Variants in FOXN3 observed in about 807,000 individuals in gnomAD.
The protein encoded by FOXN3 is forkhead box protein N3.
FOXN3 carries 7 observed loss-of-function variants against 38.4 expected under a neutral mutation model. The observed-to-expected ratio is 0.18, with a 90% confidence interval of 0.10 to 0.34. FOXN3 has a LOEUF of 0.34. Among genes scored for constraint, FOXN3 ranks in the 10% least tolerant of loss-of-function variants. The pLI, the probability that FOXN3 is intolerant of heterozygous loss-of-function variation, is 1.00. For missense variants in FOXN3, 456 were observed against 613.4 expected (o/e 0.74, Z 2.71); for synonymous variants, 230 against 242.2 (o/e 0.95, Z 0.47).
chr14:89,348,930 C>A (rs1443299354), intron 3 of FOXN3, among the ~76,000 whole-genome samples: 2 of 152,040 alleles, frequency 1.3e-5, no homozygotes, highest in East Asian at 1.9e-4. Flanking sequence ...CATTTGGCAA[C>A]AAAATACTGG....
At chr14:89,345,876 AC>A (rs1262137496) in intron 3 of FOXN3, among the ~76,000 whole-genome samples, 9 of 152,054 alleles carry the variant, frequency 5.9e-5, no homozygotes, top group African/African-American at 2.2e-4. Context: ...AGATGGTGAA[AC>A]CCCGTCTCTA....
intron 1 of FOXN3, among the ~76,000 whole-genome samples, chr14:89,447,459 A>T (rs1892527000): frequency 2.0e-5 from 3 of 152,156 alleles, no homozygotes; most frequent in Admixed American, 2.0e-4. Context: ...GGCTAGACTC[A>T]AAGTTCACTC....
chr14:89,286,626 C>CA (rs1173898116), intron 3 of FOXN3, among the ~76,000 whole-genome samples: 1 of 152,118 alleles, frequency 6.6e-6, no homozygotes, highest in Non-Finnish European at 1.5e-5. Context: ...TCACCCACCA[C>CA]AAAAAATCCT....
chr14:89,611,316 T>C (rs1596332674), intron 1 of FOXN3, among the ~76,000 whole-genome samples: 1 of 152,358 alleles, frequency 6.6e-6, no homozygotes. Flanking sequence ...CCTGAGTTTG[T>C]TGAGCCGTTC....
intron 1 of FOXN3, among the ~76,000 whole-genome samples, chr14:89,584,717 T>A (rs1408627912): frequency 6.6e-6 from 1 of 152,124 alleles, no homozygotes; most frequent in East Asian, 1.9e-4. Context: ...CTCTTTTCTT[T>A]TCTTTTTTCT....
intron 2 of FOXN3, among the ~76,000 whole-genome samples, chr14:89,374,196 C>T (rs971396456): frequency 8.0e-6 from 1 of 125,238 alleles, no homozygotes; most frequent in African/African-American, 3.0e-5. Flanking sequence ...CCCAGAATGT[C>T]GAGGCTGCAG....
chr14:89,379,596 T>C (rs1890581791), intron 2 of FOXN3, among the ~76,000 whole-genome samples: 1 of 152,180 alleles, frequency 6.6e-6, no homozygotes, highest in Admixed American at 6.5e-5. Context: ...AGAAAGGGAA[T>C]CCCAAAATAT....
At chr14:89,293,870 C>T (rs934816191) in intron 3 of FOXN3, among the ~76,000 whole-genome samples, 3 of 152,132 alleles carry the variant, frequency 2.0e-5, no homozygotes, top group African/African-American at 7.2e-5. Context: ...ATCCCTAATA[C>T]CTACTGCTGT....
intron 2 of FOXN3, chr14:89,401,600 T>A: frequency 2.2e-6 from 1 of 456,086 alleles, no homozygotes; most frequent in South Asian, 1.5e-5. Flanking sequence ...ACCTTGATTC[T>A]TGGAGATTCG....
At position 89,538,867 on chromosome 14, in the gene FOXN3, G is replaced by A. The variant is rs553287396; in HGVS notation, c.-15+80161C>T. Among the ~76,000 whole-genome samples, 5 of 151,374 alleles carry A rather than the reference G, an allele frequency of 3.3e-5. No homozygotes were observed. In the South Asian group the frequency reaches 6.3e-4, roughly 19 times the overall value. ...TTATCTATTTATTTATTTTTGAGAC[G>A]GAGTCTCACTCTGTCGCCCCGGCTG... On this transcript the variant is annotated intron_variant, in intron 1 of 6. Coordinates refer to the FOXN3 transcript ENST00000345097.
At position 89,190,065 on chromosome 14, in the gene FOXN3, A is replaced by G. The variant is rs556354010; in HGVS notation, c.746-9259T>C. Among the ~76,000 whole-genome samples, 200 of 152,354 alleles carry G rather than the reference A, an allele frequency of 1.3e-3. 1 individual carries two copies. Among genetic ancestry groups the G allele is most frequent in the African/African-American group, 4.6e-3 (193 of 41,580 alleles). On this transcript the variant is annotated intron_variant, in intron 4 of 5. Transcript: ENST00000557258. The stretch of plus-strand genomic sequence containing the variant: ...CTTCTAGGAGAAACTACAAACTCAC[A>G]GGAACAATACCTGCAGGAGCAAGGA...
chr14:89,267,450 G>A (rs1205757467), intron 4 of FOXN3, among the ~76,000 whole-genome samples: 1 of 152,148 alleles, frequency 6.6e-6, no homozygotes, highest in Non-Finnish European at 1.5e-5. Context: ...GGGCTGGGGC[G>A]GTGCTCTGGC....
Position 89,193,085 on chromosome 14 carries a change from G to A in FOXN3, c.746-12279C>T, listed in dbSNP as rs954401869. On this transcript the variant is annotated intron_variant, in intron 4 of 5. Transcript: ENST00000557258. ...TTTTCCTTTCTCAGGGGGTAGCCAA[G>A]AAAAACGATTTTTTCCTGCCAAGCA... Among the ~76,000 whole-genome samples, 13 of 152,098 alleles carry A rather than the reference G, an allele frequency of 8.5e-5. No homozygotes were observed. The South Asian group carries it at 2.1e-3, about 24-fold the overall frequency.
intron 3 of FOXN3, among the ~76,000 whole-genome samples, chr14:89,317,778 G>A (rs922302550): frequency 6.6e-6 from 1 of 151,870 alleles, no homozygotes; most frequent in Non-Finnish European, 1.5e-5. Context: ...GGAACCGGCT[G>A]CACAGCAGGA....
chr14:89,265,706 T>G (rs1885956704), intron 4 of FOXN3, among the ~76,000 whole-genome samples: 1 of 152,214 alleles, frequency 6.6e-6, no homozygotes, highest in Non-Finnish European at 1.5e-5. Context: ...CATGCAAGTA[T>G]ACACAGCTAG....
intron 5 of FOXN3, among the ~76,000 whole-genome samples, chr14:89,169,793 G>A (rs912343121): frequency 4.6e-5 from 7 of 152,132 alleles, no homozygotes; most frequent in Non-Finnish European, 1.0e-4. Flanking sequence ...AATGGAATGA[G>A]GAGTAGGAGA....
At position 89,614,995 on chromosome 14, in the gene FOXN3, TAC is replaced by T. The variant is rs1486580099; in HGVS notation, c.-15+4031_-15+4032del. 1.9e-4 allele frequency among the ~76,000 whole-genome samples: 29 copies of T among 152,286 alleles called. No individual in the cohort carries two copies. The South Asian group carries it at 5.8e-3, about 30-fold the overall frequency. ...ATCTAGGAATTGAAGCAATTAAATA[TAC>T]TCATTTTCAACATTCAGAAACTAAT... is the stretch of plus-strand genomic sequence containing the variant. On this transcript the variant is annotated intron_variant, in intron 1 of 6. Transcript: ENST00000345097.
chr14:89,242,200 G>A (rs1017973831), intron 4 of FOXN3, among the ~76,000 whole-genome samples: 11 of 152,240 alleles, frequency 7.2e-5, no homozygotes, highest in East Asian at 1.9e-4. Context: ...AGTGGTGCCC[G>A]CGTTCCTGGC....
chr14:89,226,180 A>G (rs1884634816), intron 4 of FOXN3, among the ~76,000 whole-genome samples: 1 of 151,896 alleles, frequency 6.6e-6, no homozygotes, highest in South Asian at 2.1e-4. Flanking sequence ...AGACATAAAA[A>G]AAAAAAAAAG....
Sources: allele counts gnomAD v4.1 joint callset (sites outside exome capture counted in the v4.1 genomes callset), GRCh38; gene constraint gnomAD v4.1.1; transcripts MANE v1.5; gene names NCBI Gene and HGNC (gene_info 2026-07-23, HGNC 2026-07-21).